Variants in BABAM2 observed in about 807,000 individuals in gnomAD.
The protein encoded by BABAM2 is BRISC and BRCA1 A complex member 2, also known as BRISC and BRCA1-A complex member 2.
A neutral mutation model predicts 54.7 loss-of-function variants in BABAM2; 31 were observed. The ratio of observed to expected loss-of-function variants is 0.57; its 90% confidence interval spans 0.43 to 0.77. The LOEUF (loss-of-function observed/expected upper bound fraction) is 0.77, where lower values mean the gene tolerates loss of function less well. BABAM2 is among the 30% of genes least tolerant of loss of function. BABAM2 has a pLI of 0.00. For synonymous variants in BABAM2, 167 were observed against 162.9 expected (o/e 1.03, Z -0.19); for missense variants, 364 against 455.8 (o/e 0.80, Z 1.83).
At chr2:28,225,436 G>T (rs181192454) in intron 7 of BABAM2, among the ~76,000 whole-genome samples, 1 of 152,146 alleles carries the variant, frequency 6.6e-6, no homozygotes, top group Non-Finnish European at 1.5e-5. Context: ...GCAGGAACAG[G>T]ATTTTATTTA....
intron 5 of BABAM2, among the ~76,000 whole-genome samples, chr2:28,027,598 TATGTTTGAGGTTCATCCATGTTGTGGC>T: frequency 6.6e-6 from 1 of 152,248 alleles, no homozygotes; most frequent in Non-Finnish European, 1.5e-5. Flanking sequence ...TCACTTAGCC[TATGTTTGAGGTTCATCCATGTTGTGGC>T]ATGTATCAGT....
intron 4 of BABAM2, among the ~76,000 whole-genome samples, chr2:27,997,047 G>A (rs1290151343): frequency 6.6e-6 from 1 of 151,930 alleles, no homozygotes; most frequent in Non-Finnish European, 1.5e-5. Context: ...AAAATACAAT[G>A]TACATGTATT....
chr2:28,091,778 A>G (rs1020039235), intron 6 of BABAM2, among the ~76,000 whole-genome samples: 3 of 152,180 alleles, frequency 2.0e-5, no homozygotes, highest in Non-Finnish European at 2.9e-5. Context: ...TTCCTTATGC[A>G]TACTTGGGAA....
At chr2:28,198,254 C>T (rs1219315749) in intron 7 of BABAM2, among the ~76,000 whole-genome samples, 1 of 151,892 alleles carries the variant, frequency 6.6e-6, no homozygotes, top group Non-Finnish European at 1.5e-5. Context: ...AGCTCCGCCT[C>T]CCGGGTTCAC....
At chr2:28,222,117 C>T (rs1375147108) in intron 7 of BABAM2, among the ~76,000 whole-genome samples, 1 of 152,184 alleles carries the variant, frequency 6.6e-6, no homozygotes, top group African/African-American at 2.4e-5. Context: ...TTCTCATGCT[C>T]AGCACTTGCC....
chr2:28,242,425 C>T (rs535619933), intron 9 of BABAM2, among the ~76,000 whole-genome samples: 15 of 152,274 alleles, frequency 9.9e-5, no homozygotes, highest in Non-Finnish European at 1.9e-4. Context: ...AGTCAGAGGC[C>T]TGATCAAGCT....
intron 6 of BABAM2, among the ~76,000 whole-genome samples, chr2:28,070,280 A>G (rs1663999908): frequency 6.6e-6 from 1 of 152,208 alleles, no homozygotes; most frequent in Admixed American, 6.5e-5. Context: ...TGCCTGCTTC[A>G]GGGTGCTATG....
At chr2:27,958,414 A>G (rs963997520) in intron 3 of BABAM2, among the ~76,000 whole-genome samples, 1 of 151,696 alleles carries the variant, frequency 6.6e-6, no homozygotes, top group Non-Finnish European at 1.5e-5. Context: ...AACTGATGAC[A>G]GTAAACAGCA....
At chr2:28,073,238 T>A (rs1664334852) in intron 6 of BABAM2, among the ~76,000 whole-genome samples, 1 of 152,190 alleles carries the variant, frequency 6.6e-6, no homozygotes, top group South Asian at 2.1e-4. Flanking sequence ...CTCACACTTG[T>A]AATCCCAGCA....
intron 2 of BABAM2, among the ~76,000 whole-genome samples, chr2:27,902,905 TTG>T (rs57389847): frequency 1.4e-4 from 20 of 147,858 alleles, no homozygotes; most frequent in South Asian, 4.3e-4. Context: ...GTGTGTGTGT[TTG>T]TGTGTGTGTG....
intron 3 of BABAM2, among the ~76,000 whole-genome samples, chr2:27,967,798 A>G (rs1254124481): frequency 6.6e-6 from 1 of 152,192 alleles, no homozygotes; most frequent in Non-Finnish European, 1.5e-5. Flanking sequence ...GACTCTTGTT[A>G]TGTTTTAGCA....
intron 7 of BABAM2, among the ~76,000 whole-genome samples, chr2:28,222,315 A>T (rs879578720): frequency 6.6e-5 from 10 of 152,098 alleles, no homozygotes; most frequent in Non-Finnish European, 1.2e-4. Context: ...ATTCAAGATA[A>T]TCTCCTCATG....
At chr2:28,250,956 T>A (rs1405952963) in intron 10 of BABAM2, among the ~76,000 whole-genome samples, 1 of 152,200 alleles carries the variant, frequency 6.6e-6, no homozygotes, top group Non-Finnish European at 1.5e-5. Flanking sequence ...CCCTGCACAT[T>A]ATTTCCAGTG....
intron 10 of BABAM2, among the ~76,000 whole-genome samples, chr2:28,282,998 A>AT (rs1491154354): frequency 3.6e-5 from 1 of 27,520 alleles, no homozygotes; most frequent in East Asian, 0.02. Context: ...ACTCCGTCCC[A>AT]AAAAAAAAAA....
At chr2:28,134,305 T>A (rs556891994) in intron 7 of BABAM2, 2 of 152,166 alleles carry the variant, frequency 1.3e-5, no homozygotes, top group East Asian at 1.9e-4. Context: ...TGCTTTTTTT[T>A]CCCCTGGCAG....
intron 6 of BABAM2, among the ~76,000 whole-genome samples, chr2:28,096,921 G>A (rs1374149676): frequency 6.6e-6 from 1 of 152,188 alleles, no homozygotes; most frequent in African/African-American, 2.4e-5. Flanking sequence ...ATTCAGGAAA[G>A]ATTAGACCAA....
chr2:27,972,678 T>C (rs919366275), intron 3 of BABAM2, among the ~76,000 whole-genome samples: 10 of 152,110 alleles, frequency 6.6e-5, no homozygotes, highest in African/African-American at 2.2e-4. Context: ...AACTTTTATA[T>C]TGATGACATG....
chr2:28,243,545 A>G (rs1682640345), intron 9 of BABAM2, among the ~76,000 whole-genome samples: 1 of 151,678 alleles, frequency 6.6e-6, no homozygotes, highest in Non-Finnish European at 1.5e-5. Flanking sequence ...AAAATTTAAA[A>G]ATTAAAAAAA....
chr2:28,032,441 C>A (rs555804589), intron 5 of BABAM2, among the ~76,000 whole-genome samples: 1 of 152,230 alleles, frequency 6.6e-6, no homozygotes, highest in African/African-American at 2.4e-5. Flanking sequence ...CACTCTTCTC[C>A]CTGCCCCCTG....
Sources: gnomAD v4.1 joint callset for allele counts (sites outside exome capture counted in the v4.1 genomes callset) on GRCh38, gnomAD v4.1.1 for gene constraint, MANE v1.5 for transcripts, NCBI Gene and HGNC (gene_info 2026-07-23, HGNC 2026-07-21) for gene names.